SLC39A11: variants seen among roughly 807,000 people sequenced by gnomAD.
SLC39A11 encodes the protein solute carrier family 39 member 11, also known as zinc transporter ZIP11.
SLC39A11 carries 33 observed loss-of-function variants against 36.1 expected under a neutral mutation model. The observed-to-expected ratio is 0.91, with a 90% CI of 0.69 to 1.22. SLC39A11 has a LOEUF of 1.22. Ranked by LOEUF, SLC39A11 falls within the 50% of genes most tolerant of loss-of-function variation. The pLI is 0.00. For missense variants in SLC39A11, 432 were observed against 430.3 expected (o/e 1.00, Z -0.03); for synonymous variants, 166 against 170.3 (o/e 0.97, Z 0.20).
At chr17:72,705,245 T>C (rs967501425) in intron 7 of SLC39A11, among the ~76,000 whole-genome samples, 11 of 152,208 alleles carry the variant, frequency 7.2e-5, no homozygotes, top group Non-Finnish European at 1.6e-4. Flanking sequence ...ATGATACTTT[T>C]ATAGTGAAGA....
chr17:72,785,877 C>G (rs11653042), intron 6 of SLC39A11, among the ~76,000 whole-genome samples: 11,144 of 152,206 alleles, frequency 0.073, 431 homozygotes, highest in African/African-American at 0.086. Context: ...TACAGGTATG[C>G]AAAAATACCT....
At chr17:72,702,512 C>T (rs1223197583) in intron 7 of SLC39A11, among the ~76,000 whole-genome samples, 2 of 152,210 alleles carry the variant, frequency 1.3e-5, no homozygotes, top group East Asian at 3.9e-4. Flanking sequence ...TTCTAGAGAC[C>T]GACGGTCTTC....
chr17:72,848,187 G>A (rs1006301800), intron 6 of SLC39A11, among the ~76,000 whole-genome samples: 2 of 152,190 alleles, frequency 1.3e-5, no homozygotes, highest in Non-Finnish European at 2.9e-5. Flanking sequence ...TTTCTTAGAT[G>A]AGAAAACCAA....
At chr17:72,996,371 C>T (rs372367751) in intron 4 of SLC39A11, among the ~76,000 whole-genome samples, 10 of 152,200 alleles carry the variant, frequency 6.6e-5, no homozygotes, top group Admixed American at 3.3e-4. Flanking sequence ...CTAGGGCTGC[C>T]GGAACTAATC....
chr17:72,939,463 A>AAG (rs966164929), intron 5 of SLC39A11, among the ~76,000 whole-genome samples: 1 of 151,508 alleles, frequency 6.6e-6, no homozygotes, highest in Non-Finnish European at 1.5e-5. Context: ...GTCTCGAAAA[A>AAG]AAAAAAAGAA....
chr17:73,086,346 T>C (rs2060728982), intron 2 of SLC39A11, among the ~76,000 whole-genome samples: 1 of 152,184 alleles, frequency 6.6e-6, no homozygotes, highest in South Asian at 2.1e-4. Context: ...CAGATTTTTT[T>C]TTTTTTGCTA....
At chr17:72,770,209 G>C (rs1220044798) in intron 6 of SLC39A11, among the ~76,000 whole-genome samples, 1 of 152,208 alleles carries the variant, frequency 6.6e-6, no homozygotes, top group Non-Finnish European at 1.5e-5. Flanking sequence ...AGTGAAATGA[G>C]CCAGACACAA....
chr17:72,707,543 C>A (rs995252744), intron 7 of SLC39A11, among the ~76,000 whole-genome samples: 2 of 152,192 alleles, frequency 1.3e-5, no homozygotes, highest in African/African-American at 4.8e-5. Context: ...TACTGCAGGG[C>A]AGACAGGAAA....
At chr17:72,747,368 T>C (rs535905609) in intron 6 of SLC39A11, among the ~76,000 whole-genome samples, 1 of 152,224 alleles carries the variant, frequency 6.6e-6, no homozygotes, top group East Asian at 1.9e-4. Context: ...GCCAGGCTGG[T>C]CTTGAACTCC....
chr17:72,731,261 T>C (rs1416953900), intron 7 of SLC39A11, among the ~76,000 whole-genome samples: 5 of 152,212 alleles, frequency 3.3e-5, no homozygotes, highest in Non-Finnish European at 7.3e-5. Context: ...AGAAATCTTC[T>C]GTGAGTTGAA....
intron 3 of SLC39A11, among the ~76,000 whole-genome samples, chr17:73,078,279 C>T (rs1358969116): frequency 1.3e-5 from 2 of 151,354 alleles, no homozygotes; most frequent in Non-Finnish European, 2.9e-5. Flanking sequence ...AACTAGGTGC[C>T]CCATCACTCA....
intron 5 of SLC39A11, among the ~76,000 whole-genome samples, chr17:72,921,233 G>A (rs932015711): frequency 5.3e-5 from 8 of 152,138 alleles, no homozygotes; most frequent in Non-Finnish European, 1.2e-4. Flanking sequence ...TATGCTTCAC[G>A]AGAACCTGCT....
intron 5 of SLC39A11, among the ~76,000 whole-genome samples, chr17:72,867,077 G>A (rs2080339214): frequency 6.6e-6 from 1 of 152,196 alleles, no homozygotes; most frequent in South Asian, 2.1e-4. Flanking sequence ...ATCAAACAAA[G>A]GGAGATACTA....
At chr17:72,738,439 G>C (rs570210493) in intron 6 of SLC39A11, among the ~76,000 whole-genome samples, 1 of 152,330 alleles carries the variant, frequency 6.6e-6, no homozygotes, top group African/African-American at 2.4e-5. Flanking sequence ...GGCTAGACAA[G>C]ATGGGTTTTC....
chr17:72,909,903 G>A (rs1222741489), intron 5 of SLC39A11, among the ~76,000 whole-genome samples: 4 of 151,754 alleles, frequency 2.6e-5, no homozygotes, highest in East Asian at 1.9e-4. Context: ...CCGCCATTAC[G>A]CCCGGCTACT....
intron 4 of SLC39A11, among the ~76,000 whole-genome samples, chr17:73,024,681 T>C (rs1160126832): frequency 6.6e-6 from 1 of 151,958 alleles, no homozygotes; most frequent in African/African-American, 2.4e-5. Context: ...CAGCCAAATA[T>C]TGATACCAGT....
intron 4 of SLC39A11, among the ~76,000 whole-genome samples, chr17:73,011,074 C>CGGTACACA (rs1555677496): frequency 3.4e-5 from 2 of 58,838 alleles, no homozygotes; most frequent in Non-Finnish European, 9.9e-5. Context: ...TTCAGGCCCC[C>CGGTACACA]GGTACACAGG....
chr17:72,959,311 A>ATGTGTGTGTGTGTGTGTG (rs1214552224), intron 4 of SLC39A11, among the ~76,000 whole-genome samples: 5 of 92,586 alleles, frequency 5.4e-5, no homozygotes, highest in African/African-American at 2.1e-4. Context: ...TGGTGTATGT[A>ATGTGTGTGTGTGTGTGTG]TGTGTGTGTG....
At chr17:72,939,526 G>C (rs1207586698) in intron 5 of SLC39A11, among the ~76,000 whole-genome samples, 2 of 151,940 alleles carry the variant, frequency 1.3e-5, no homozygotes, top group Non-Finnish European at 2.9e-5. Context: ...TTAAGAAGCA[G>C]TCATACAGGA....
Sources: gnomAD v4.1 joint callset for allele counts (sites outside exome capture counted in the v4.1 genomes callset) on GRCh38, gnomAD v4.1.1 for gene constraint, MANE v1.5 for transcripts, NCBI Gene and HGNC (gene_info 2026-07-23, HGNC 2026-07-21) for gene names.